CIB4: variants seen among roughly 807,000 people sequenced by gnomAD.
The protein encoded by CIB4 is calcium and integrin binding family member 4, also known as calcium and integrin-binding family member 4.
In CIB4, 25 loss-of-function variants were observed where a neutral mutation model predicts 25.8. The ratio of observed to expected loss-of-function variants is 0.97; its 90% CI spans 0.71 to 1.35. The LOEUF (loss-of-function observed/expected upper bound fraction) is 1.35, where lower values mean the gene tolerates loss of function less well. Ranked by LOEUF, CIB4 falls within the 40% of genes most tolerant of loss-of-function variation. The pLI is 0.00. For synonymous variants in CIB4, 75 were observed against 81.4 expected (o/e 0.92, Z 0.42); for missense variants, 235 against 228.2 (o/e 1.03, Z -0.19).
rs1000171885 is a variant in CIB4 at position 26,581,276 on chromosome 2, A to T, written c.*87T>A. On this transcript the variant is annotated 3_prime_UTR_variant, in exon 7 of 7. Coordinates refer to ENST00000288861, the MANE Select transcript of CIB4 (RefSeq NM_001029881.3). ...GAGTGTGGGCCCAGTACAAAGTCATACTTCAAACCAGCTCCCTCCAGTGCT... is the reference window on the plus strand; with the variant it reads ...GAGTGTGGGCCCAGTACAAAGTCATTCTTCAAACCAGCTCCCTCCAGTGCT... 4.4e-6 allele frequency: 5 copies of T among 1,130,140 alleles called. No individual in the cohort carries two copies. In the African/African-American group the frequency reaches 6.1e-5, roughly 14 times the overall value. The allele number at this position is 1,130,140 out of a possible 1,614,324, so 70.0% of individuals were successfully genotyped here. A position where few individuals can be genotyped will look rare whatever the true frequency, so the allele number is the denominator to read the frequency against.
chr2:26,589,104 CTTCCTCTTCTTCTTCTTCT>C (rs1668530946), intron 4 of CIB4, among the ~76,000 whole-genome samples: 2 of 109,962 alleles, frequency 1.8e-5, no homozygotes, highest in African/African-American at 8.9e-5. Flanking sequence ...TCTTCTTCTT[CTTCCTCTTCTTCTTCTTCT>C]TCTTCTTCTT....
intron 1 of CIB4, among the ~76,000 whole-genome samples, chr2:26,641,055 C>T (rs992189123): frequency 2.6e-5 from 4 of 152,138 alleles, no homozygotes; most frequent in African/African-American, 7.2e-5. Flanking sequence ...CAGATTTTTT[C>T]GTGATTTTTT....
chr2:26,639,654 G>C (rs985134507), intron 2 of CIB4, among the ~76,000 whole-genome samples: 5 of 152,100 alleles, frequency 3.3e-5, no homozygotes, highest in East Asian at 1.9e-4. Flanking sequence ...ACAGCCCCTG[G>C]TTAGCTCCCC....
intron 2 of CIB4, among the ~76,000 whole-genome samples, chr2:26,639,901 A>G (rs1362255526): frequency 1.3e-5 from 2 of 152,130 alleles, no homozygotes; most frequent in Non-Finnish European, 2.9e-5. Context: ...CTTGGCCCAA[A>G]CACACAAACA....
chr2:26,607,478 T>C (rs976503308), intron 3 of CIB4, among the ~76,000 whole-genome samples: 1 of 152,232 alleles, frequency 6.6e-6, no homozygotes, highest in African/African-American at 2.4e-5. Context: ...TGTGATCAAC[T>C]CTACAATATC....
rs947060903 is a variant in CIB4, at chr2:26,631,652, C to T, written c.90-2146G>A. 3.3e-5 allele frequency among the ~76,000 whole-genome samples: 5 copies of T among 152,154 alleles called. 1 individual carries two copies. The highest frequency in any genetic ancestry group is 3.3e-4 in the Admixed American group (5 of 15,288). Reference sequence around the variant, plus strand: ...TGACTAGAAAAACATCCTTCAGCTCCCAGCCCTGGGAGAGTGGAAAGAAAC... The same window carrying T: ...TGACTAGAAAAACATCCTTCAGCTCTCAGCCCTGGGAGAGTGGAAAGAAAC... On this transcript the variant is annotated intron_variant, in intron 2 of 6. Coordinates refer to ENST00000288861, the MANE Select transcript of CIB4 (RefSeq NM_001029881.3).
In CIB4 at chr2:26,630,958, C is replaced by G. The variant is rs188147385; in HGVS notation, c.90-1452G>C. ...CCCTGACCCAGACCTGCTCTCCCCTCTCTTCATGGTCCCCTCCATGCTCCA... is the reference window on the plus strand; with the variant it reads ...CCCTGACCCAGACCTGCTCTCCCCTGTCTTCATGGTCCCCTCCATGCTCCA... On this transcript the variant is annotated intron_variant, in intron 2 of 6. Coordinates refer to ENST00000288861, the MANE Select transcript of CIB4 (RefSeq NM_001029881.3). 3.6e-3 allele frequency among the ~76,000 whole-genome samples: 543 copies of G among 152,252 alleles called. 4 individuals carry two copies. The highest frequency in any genetic ancestry group is 0.012 in the African/African-American group (498 of 41,538).
rs778418781 is a variant in CIB4 at position 26,583,832 on chromosome 2, C to T, written c.395G>A (p.Ser132Asn). The part of the protein sequence containing the change: ...LQRIILRLLN[S>N]DDMSEDLLMD... ...CAGGAGGTCCTCAGACATGTCATCA[C>T]TGTTCAGCAGTCGCAGGATGATCCT... The change falls in exon 5 of 7, where the codon AGT becomes AAT. Residue 132 changes from serine to asparagine, a missense_variant. Coordinates refer to ENST00000288861, the MANE Select transcript of CIB4 (RefSeq NM_001029881.3). 1 of 1,613,352 alleles carries T rather than the reference C, an allele frequency of 6.2e-7. No individual in the cohort carries two copies. Among genetic ancestry groups the T allele is most frequent in the South Asian group, 1.1e-5 (1 of 91,036 alleles).
intron 2 of CIB4, among the ~76,000 whole-genome samples, chr2:26,633,026 C>T (rs1036276051): frequency 1.3e-5 from 2 of 152,106 alleles, no homozygotes; most frequent in Non-Finnish European, 2.9e-5. Context: ...CCAACTCTCA[C>T]GGACATTCTG....
rs1329712286 is a variant in CIB4 at position 26,620,918 on chromosome 2, T to A, written c.186+8492A>T. Among the ~76,000 whole-genome samples, 4 of 151,846 alleles carry A rather than the reference T, an allele frequency of 2.6e-5. No homozygotes were observed. In the East Asian group the frequency reaches 7.8e-4, roughly 29 times the overall value. ...ATGATGGCAGAAGTGAAAAACCCTA[T>A]TAGAGTTGAAGATAAAGTGGAGGAA... On this transcript the variant is annotated intron_variant, in intron 3 of 6. Coordinates refer to ENST00000288861, the MANE Select transcript of CIB4 (RefSeq NM_001029881.3).
rs577482821 is a variant in CIB4 at position 26,611,450 on chromosome 2, G to C, written c.187-16133C>G. On this transcript the variant is annotated intron_variant, in intron 3 of 6. Coordinates refer to ENST00000288861, the MANE Select transcript of CIB4 (RefSeq NM_001029881.3). ...TCACAGGGCTCCATCTTTTATCACT[G>C]ATTTGGGTTAAGGATATTCCAAAGC... Among the ~76,000 whole-genome samples the C allele has an allele frequency of 8.9e-4, 136 of 152,294 alleles. 2 individuals carry two copies. The highest frequency in any genetic ancestry group is 3.0e-3 in the African/African-American group (126 of 41,558).
chr2:26,623,755 C>T (rs979476726), intron 3 of CIB4: 6 of 314,180 alleles, frequency 1.9e-5, no homozygotes, highest in South Asian at 2.8e-5. Context: ...GAGGTGGCCC[C>T]GCCAGTGTGC....
chr2:26,639,235 T>C (rs947817491), intron 2 of CIB4, among the ~76,000 whole-genome samples: 1 of 152,030 alleles, frequency 6.6e-6, no homozygotes, highest in African/African-American at 2.4e-5. Flanking sequence ...CTGGGATACA[T>C]GTGCAGAACA....
intron 3 of CIB4, among the ~76,000 whole-genome samples, chr2:26,626,147 T>C (rs1669298511): frequency 6.6e-6 from 1 of 152,210 alleles, no homozygotes; most frequent in Non-Finnish European, 1.5e-5. Flanking sequence ...CCTTATAGTA[T>C]AGTTAGCTGA....
At chr2:26,608,196 C>T (rs1668928523) in intron 3 of CIB4, among the ~76,000 whole-genome samples, 1 of 147,620 alleles carries the variant, frequency 6.8e-6, no homozygotes, top group Admixed American at 6.8e-5. Context: ...GCTGAGATTG[C>T]ACCACTGCAC....
intron 3 of CIB4, among the ~76,000 whole-genome samples, chr2:26,598,643 A>G (rs1668726066): frequency 6.6e-6 from 1 of 152,122 alleles, no homozygotes; most frequent in Admixed American, 6.5e-5. Flanking sequence ...TGGCTAGTAT[A>G]GTTCGCTGTA....
intron 3 of CIB4, among the ~76,000 whole-genome samples, chr2:26,626,105 G>A (rs1197353290): frequency 6.6e-6 from 1 of 152,190 alleles, no homozygotes; most frequent in East Asian, 1.9e-4. Flanking sequence ...GTCTGTTTGT[G>A]TACCTTTACC....
intron 3 of CIB4, among the ~76,000 whole-genome samples, chr2:26,596,963 C>A (rs1265118913): frequency 6.6e-6 from 1 of 152,204 alleles, no homozygotes; most frequent in Non-Finnish European, 1.5e-5. Context: ...TAGCTATTGG[C>A]AGTGTGCTAC....
chr2:26,597,364 C>T (rs1048836305), intron 3 of CIB4, among the ~76,000 whole-genome samples: 18 of 151,472 alleles, frequency 1.2e-4, no homozygotes, highest in South Asian at 4.2e-4. Flanking sequence ...AAATGAGTGC[C>T]GTGATTTAAG....
Sources: allele counts gnomAD v4.1 joint callset (sites outside exome capture counted in the v4.1 genomes callset), GRCh38; gene constraint gnomAD v4.1.1; transcripts MANE v1.5; gene names NCBI Gene and HGNC (gene_info 2026-07-23, HGNC 2026-07-21).